The following GRIK1 variants were observed in gnomAD, a reference collection of about 807,000 sequenced individuals.
The protein encoded by GRIK1 is glutamate ionotropic receptor kainate type subunit 1.
A neutral mutation model predicts 105.7 loss-of-function variants in GRIK1; 69 were observed. The ratio of observed to expected loss-of-function variants is 0.65; its 90% CI spans 0.54 to 0.80. The LOEUF (loss-of-function observed/expected upper bound fraction) is 0.80, where lower values mean the gene tolerates loss of function less well. Among genes scored for constraint, GRIK1 ranks in the 30% least tolerant of loss-of-function variants. The pLI, the probability that GRIK1 is intolerant of heterozygous loss-of-function variation, is 0.00. For missense variants in GRIK1, 1,109 were observed against 1,167.3 expected, an observed-to-expected ratio of 0.95 and a Z score of 0.73; for synonymous variants, 438 against 431.3, an observed-to-expected ratio of 1.02 and a Z score of -0.19.
intron 1 of GRIK1, among the ~76,000 whole-genome samples, chr21:29,866,459 G>T (rs937825749): frequency 6.6e-6 from 1 of 152,104 alleles, no homozygotes; most frequent in African/African-American, 2.4e-5. Flanking sequence ...ATGTGGAATG[G>T]AAGTTAGAAA....
chr21:29,839,951 C>T (rs771231054), intron 1 of GRIK1, among the ~76,000 whole-genome samples: 22 of 152,190 alleles, frequency 1.4e-4, no homozygotes, highest in East Asian at 3.9e-4. Context: ...GCTTGAATGA[C>T]GGCAAATTGG....
chr21:29,727,585 C>G (rs994510696), intron 1 of GRIK1, among the ~76,000 whole-genome samples: 1 of 152,080 alleles, frequency 6.6e-6, no homozygotes, highest in Non-Finnish European at 1.5e-5. Flanking sequence ...GGTTTATAAA[C>G]GGGAGCAGGC....
intron 1 of GRIK1, among the ~76,000 whole-genome samples, chr21:29,694,880 G>A (rs1474452887): frequency 1.3e-5 from 2 of 152,060 alleles, no homozygotes; most frequent in Non-Finnish European, 1.5e-5. Context: ...GTCCTTTTTT[G>A]TGCTTCATGG....
At chr21:29,574,037 C>T (rs1185436746) in intron 14 of GRIK1, among the ~76,000 whole-genome samples, 1 of 152,018 alleles carries the variant, frequency 6.6e-6, no homozygotes, top group Non-Finnish European at 1.5e-5. Flanking sequence ...TTTTCATGTA[C>T]GAAATTATTT....
intron 4 of GRIK1, among the ~76,000 whole-genome samples, chr21:29,662,013 GA>G (rs2062975174): frequency 6.6e-6 from 1 of 152,108 alleles, no homozygotes; most frequent in South Asian, 2.1e-4. Flanking sequence ...TTAAACTAAA[GA>G]AAAGCAAAAG....
intron 7 of GRIK1, among the ~76,000 whole-genome samples, chr21:29,638,817 T>C (rs758510240): frequency 2.6e-5 from 4 of 152,240 alleles, no homozygotes; most frequent in Non-Finnish European, 5.9e-5. Context: ...CATTTGATGG[T>C]AGCTATCCTT....
intron 1 of GRIK1, among the ~76,000 whole-genome samples, chr21:29,713,265 C>A (rs905828181): frequency 2.6e-5 from 4 of 152,128 alleles, no homozygotes; most frequent in Admixed American, 1.3e-4. Context: ...AGGGTCCAGC[C>A]ACATCCTTGT....
intron 7 of GRIK1, among the ~76,000 whole-genome samples, chr21:29,636,759 T>A (rs571273883): frequency 6.6e-6 from 1 of 152,340 alleles, no homozygotes; most frequent in African/African-American, 2.4e-5. Flanking sequence ...TTTACCTGCT[T>A]CAATCATACC....
intron 6 of GRIK1, among the ~76,000 whole-genome samples, chr21:29,649,795 C>G (rs985328714): frequency 3.3e-5 from 5 of 152,180 alleles, no homozygotes; most frequent in African/African-American, 1.2e-4. Context: ...AACTGTAACT[C>G]TTTTAGTGGT....
Position 29,587,358 on chromosome 21 carries a change from A to C in GRIK1, c.1793+8T>G. ...ACCTCTTGTGAATTCAGTGATTCTC[A>C]AACTTACCTTGCAATCACAAAGAGT... On this transcript the variant is annotated splice_region_variant and intron_variant, in intron 12 of 17. Transcript: ENST00000327783. 6.4e-7 allele frequency: 1 copy of C among 1,574,240 alleles called. No homozygotes were observed. The highest frequency in any genetic ancestry group is 1.1e-5 in the South Asian group (1 of 90,220).
At chr21:29,647,163 A>G (rs951575388) in intron 6 of GRIK1, among the ~76,000 whole-genome samples, 4 of 152,130 alleles carry the variant, frequency 2.6e-5, no homozygotes, top group Admixed American at 6.5e-5. Flanking sequence ...TTTATTGACT[A>G]CAAATGGGCA....
At chr21:29,930,286 A>G (rs374103860) in intron 1 of GRIK1, among the ~76,000 whole-genome samples, 2 of 152,334 alleles carry the variant, frequency 1.3e-5, no homozygotes, top group African/African-American at 2.4e-5. Context: ...CTCATACAGT[A>G]TAAACACAGC....
chr21:29,906,645 AAAG>A (rs140315532), intron 1 of GRIK1, among the ~76,000 whole-genome samples: 1,993 of 152,268 alleles, frequency 0.013, 49 homozygotes, highest in African/African-American at 0.046. Flanking sequence ...AACAAACAGA[AAAG>A]AAGAAAAGGA....
intron 1 of GRIK1, among the ~76,000 whole-genome samples, chr21:29,886,522 G>C (rs1257063637): frequency 6.6e-6 from 1 of 152,042 alleles, no homozygotes; most frequent in Non-Finnish European, 1.5e-5. Context: ...GCATTCACTT[G>C]TTTTCTATTG....
At chr21:29,860,988 A>T (rs933828998) in intron 1 of GRIK1, among the ~76,000 whole-genome samples, 1 of 151,982 alleles carries the variant, frequency 6.6e-6, no homozygotes, top group South Asian at 2.1e-4. Context: ...TATAAAATTC[A>T]TTTCATCTGG....
intron 1 of GRIK1, among the ~76,000 whole-genome samples, chr21:29,767,420 G>T (rs565889062): frequency 6.6e-6 from 1 of 151,984 alleles, no homozygotes; most frequent in Non-Finnish European, 1.5e-5. Flanking sequence ...TCATATGTAT[G>T]TGGCTTTTAG....
chr21:29,648,125 A>C (rs1378212669), intron 6 of GRIK1, among the ~76,000 whole-genome samples: 1 of 152,216 alleles, frequency 6.6e-6, no homozygotes, highest in Non-Finnish European at 1.5e-5. Flanking sequence ...AGAAAAATAG[A>C]CAATTGAATG....
At chr21:29,637,647 A>C (rs571768472) in intron 7 of GRIK1, among the ~76,000 whole-genome samples, 31 of 152,294 alleles carry the variant, frequency 2.0e-4, no homozygotes, top group African/African-American at 7.0e-4. Flanking sequence ...ATGAACTAGG[A>C]AGCCAGCCTT....
intron 8 of GRIK1, among the ~76,000 whole-genome samples, chr21:29,598,539 C>T (rs1403761562): frequency 6.6e-6 from 1 of 152,158 alleles, no homozygotes; most frequent in African/African-American, 2.4e-5. Context: ...AGACATGGGC[C>T]TAATGACACC....
Sources: gnomAD v4.1 joint callset for allele counts (sites outside exome capture counted in the v4.1 genomes callset) on GRCh38, gnomAD v4.1.1 for gene constraint, MANE v1.5 for transcripts, NCBI Gene and HGNC (gene_info 2026-07-23, HGNC 2026-07-21) for gene names.